Variants in NUP205 observed in about 807,000 individuals in gnomAD.
NUP205 encodes the protein nuclear pore complex protein Nup205.
In NUP205, 76 loss-of-function variants were observed where a neutral mutation model predicts 253.8. That is an observed-to-expected ratio of 0.30 (90% CI 0.25 to 0.36). NUP205 has a LOEUF of 0.36. NUP205 is among the 10% of genes least tolerant of loss of function. The probability of loss-of-function intolerance (pLI) is 1.00; values close to 1 mark genes in which losing one functional copy is unlikely to be tolerated. For synonymous variants in NUP205, 832 were observed against 850.1 expected (o/e 0.98, Z 0.37); for missense variants, 2,162 against 2,425.5 (o/e 0.89, Z 2.28).
intron 38 of NUP205, among the ~76,000 whole-genome samples, chr7:135,642,404 C>G (rs1794930649): frequency 1.3e-5 from 2 of 151,884 alleles, no homozygotes; most frequent in East Asian, 1.9e-4. Flanking sequence ...CCAGGCTGGT[C>G]TTGAACTCCT....
intron 22 of NUP205, among the ~76,000 whole-genome samples, chr7:135,609,842 A>G (rs1794187118): frequency 6.6e-6 from 1 of 152,164 alleles, no homozygotes; most frequent in Admixed American, 6.5e-5. Flanking sequence ...TTATGGGGGA[A>G]CAAATTTGAT....
intron 10 of NUP205, 140 bp downstream of exon 10, chr7:135,588,132 A>G: frequency 1.7e-6 from 1 of 587,710 alleles, no homozygotes; most frequent in Non-Finnish European, 2.6e-6. Flanking sequence ...ACACTTTTTA[A>G]ATTTTATTTA....
chr7:135,594,404 AC>A, intron 12 of NUP205, 142 bp from the exon 13 acceptor site: 1 of 508,222 alleles, frequency 2.0e-6, no homozygotes, highest in Non-Finnish European at 3.4e-6. Flanking sequence ...TAGACTTCAA[AC>A]ATAAATGATA....
Position 135,615,989 on chromosome 7 carries a change from T to C in NUP205, c.3384T>C (p.Ser1128=), listed in dbSNP as rs760932088. The stretch of plus-strand genomic sequence containing the variant: ...CCTCAATAGAGCTAAGGGTAACCTC[T>C]CTGAATCGTCAGCGGTCACATACCC... ...KTASIELRVT[S]LNRQRSHTQR... Residue 1128 remains serine (S), a synonymous_variant, in exon 24 of 43, where the codon TCT becomes TCC. Transcript: ENST00000285968. 1.2e-6 allele frequency: 2 copies of C among 1,613,874 alleles called. No homozygotes were observed. The highest frequency in any genetic ancestry group is 2.2e-5 in the East Asian group (1 of 44,870).
At position 135,619,240 on chromosome 7, in the gene NUP205, G is replaced by A. The variant is rs975862531; in HGVS notation, c.3964-183G>A. Among the ~76,000 whole-genome samples, 7 of 151,982 alleles carry A rather than the reference G, an allele frequency of 4.6e-5. No homozygotes were observed. The South Asian group carries it at 1.5e-3, about 32-fold the overall frequency. On this transcript the variant is annotated intron_variant, in intron 28 of 42. Transcript: ENST00000285968. The stretch of plus-strand genomic sequence containing the variant: ...GCACCTGTAGTCACAGTTGCGGGAG[G>A]CTGAGGTGGGAAGACCTCCTGAGCC...
chr7:135,564,675 G>C (rs1805696989), intron 1 of NUP205, among the ~76,000 whole-genome samples: 1 of 151,888 alleles, frequency 6.6e-6, no homozygotes, highest in East Asian at 1.9e-4. Context: ...AGGATTACAG[G>C]TGCGAGCCAC....
At chr7:135,582,649 G>C (rs1337948023) in intron 7 of NUP205, among the ~76,000 whole-genome samples, 3 of 152,032 alleles carry the variant, frequency 2.0e-5, no homozygotes, top group Admixed American at 6.6e-5. Context: ...TTTTTTTGTA[G>C]AGATGAGGTC....
chr7:135,572,956 T>C (rs1806041749), intron 2 of NUP205, among the ~76,000 whole-genome samples: 3 of 148,116 alleles, frequency 2.0e-5, no homozygotes, highest in African/African-American at 2.5e-5. Flanking sequence ...TTTTTTTTTT[T>C]CTTTTTTTTT....
intron 6 of NUP205, 85 bp downstream of exon 6, chr7:135,578,109 C>A: frequency 1.1e-6 from 1 of 921,278 alleles, no homozygotes; most frequent in Non-Finnish European, 1.7e-6. Flanking sequence ...GATATTTTAG[C>A]TACTAAAATA....
intron 36 of NUP205, 108 bp from the exon 37 acceptor site, chr7:135,637,823 C>G: frequency 1.0e-6 from 1 of 959,106 alleles, no homozygotes; most frequent in Non-Finnish European, 1.5e-6. Context: ...ATATTAGATG[C>G]CTTAAGGACT....
At chr7:135,583,924 C>T (rs1320703930) in intron 7 of NUP205, among the ~76,000 whole-genome samples, 3 of 151,304 alleles carry the variant, frequency 2.0e-5, no homozygotes, top group African/African-American at 7.3e-5. Context: ...TTACCGCAAC[C>T]TCCGCCTTCT....
chr7:135,648,563 G>C lies in NUP205; in HGVS notation c.*7G>C, dbSNP rs147068109. The C allele has an allele frequency of 2.0e-6, 3 of 1,531,252 alleles. No homozygotes were observed. The highest frequency in any genetic ancestry group is 2.6e-6 in the Non-Finnish European group (3 of 1,143,386). 94.9% of individuals were successfully genotyped at this position (1,531,252 alleles called of 1,614,324 possible). On this transcript the variant is annotated 3_prime_UTR_variant, in exon 43 of 43. Transcript: ENST00000285968. ...GAGGATATCAAGGAACTGAGAGCCC[G>C]TGCTTATGCTCTTCTATGAGAGAGA...
intron 17 of NUP205, 60 bp from the exon 18 acceptor site, chr7:135,602,745 A>G: frequency 7.5e-7 from 1 of 1,324,702 alleles, no homozygotes; most frequent in Middle Eastern, 1.8e-4. Flanking sequence ...TTTTCCTAAG[A>G]ATTGACTGTG....
rs373782018 is a variant in NUP205, at chr7:135,630,934, TTTG to T, written c.5059+467_5059+469del. 5.6e-3 allele frequency among the ~76,000 whole-genome samples: 829 copies of T among 149,360 alleles called. 13 individuals are homozygous for T. Among genetic ancestry groups the T allele is most frequent in the East Asian group, 0.05 (257 of 5,150 alleles). The stretch of plus-strand genomic sequence containing the variant: ...GAACAAGACTCCGTCTCTGTTTTGT[TTTG>T]TTTTTTTTTTTTAAGATATAGGCTT... On this transcript the variant is annotated intron_variant, in intron 35 of 42. Transcript: ENST00000285968.
In NUP205 at chr7:135,571,368, C is replaced by A. The variant is rs74661631; in HGVS notation, c.171+121C>A. ...TTTTTTCAGAAATTTATTTACTGTG[C>A]CACAGTCTCATGAGGTCCTGATGAC... On this transcript the variant is annotated intron_variant, in intron 2 of 42. Coordinates refer to ENST00000285968, the MANE Select transcript of NUP205 (RefSeq NM_015135.3). The A allele has an allele frequency of 0.017, 9,865 of 572,154 alleles. 267 individuals are homozygous for A. The highest frequency in any genetic ancestry group is 0.073 in the South Asian group (1,530 of 20,960). 35.4% of individuals were successfully genotyped at this position (572,154 alleles called of 1,614,324 possible).
chr7:135,559,606 A>G (rs546065005), intron 1 of NUP205, among the ~76,000 whole-genome samples: 1 of 151,762 alleles, frequency 6.6e-6, no homozygotes, highest in Non-Finnish European at 1.5e-5. Context: ...GCTGTCCTCA[A>G]GCGATCTTTC....
intron 38 of NUP205, among the ~76,000 whole-genome samples, chr7:135,639,130 T>C (rs1324558334): frequency 6.6e-6 from 1 of 152,178 alleles, no homozygotes; most frequent in African/African-American, 2.4e-5. Context: ...AATTCTTTAA[T>C]GATTCAGTAG....
intron 39 of NUP205, 65 bp from the exon 40 acceptor site, chr7:135,644,830 G>T (rs1330236666): frequency 6.7e-7 from 1 of 1,487,012 alleles, no homozygotes; most frequent in Non-Finnish European, 9.3e-7. Context: ...CCTGCTGATA[G>T]TAGTTTTTCA....
At chr7:135,618,346 A>C (rs910445607) in intron 27 of NUP205, 66 bp from the exon 28 acceptor site, 1 of 1,323,822 alleles carries the variant, frequency 7.6e-7, no homozygotes, top group Admixed American at 1.8e-5. Context: ...ATATTTTCTG[A>C]GTAACTGACA....
Sources: gnomAD v4.1 joint callset for allele counts (sites outside exome capture counted in the v4.1 genomes callset) on GRCh38, gnomAD v4.1.1 for gene constraint, MANE v1.5 for transcripts, NCBI Gene and HGNC (gene_info 2026-07-23, HGNC 2026-07-21) for gene names.